Variants in CORIN observed in about 807,000 individuals in gnomAD.
CORIN encodes atrial natriuretic peptide-converting enzyme.
Under a neutral mutation model 125.3 loss-of-function variants are expected in CORIN, and 117 were observed. That is an observed-to-expected ratio of 0.93 (90% CI 0.80 to 1.09). CORIN has a LOEUF of 1.09. CORIN is among the 50% of genes least tolerant of loss of function. The pLI is 0.00. For synonymous variants in CORIN, 450 were observed against 466.4 expected, an observed-to-expected ratio of 0.96 and a Z score of 0.45; for missense variants, 1,253 against 1,306.7, an observed-to-expected ratio of 0.96 and a Z score of 0.63.
chr4:47,680,125 T>C lies in CORIN; in HGVS notation c.1132+16A>G, dbSNP rs1725200991. 2 of 1,552,734 alleles carry C rather than the reference T, an allele frequency of 1.3e-6. No homozygotes were observed. The highest frequency in any genetic ancestry group is 1.4e-5 in the African/African-American group (1 of 74,008). ...AATGGAAAAATAAGCAAAACAAACG[T>C]CCTCAGAGCACTCACAGCAGTTGAC... is the stretch of plus-strand genomic sequence containing the variant. On this transcript the variant is annotated intron_variant, in intron 8 of 21. Transcript: ENST00000273857.
At chr4:47,709,364 G>T (rs1726733514) in intron 5 of CORIN, among the ~76,000 whole-genome samples, 1 of 151,960 alleles carries the variant, frequency 6.6e-6, no homozygotes, top group Non-Finnish European at 1.5e-5. Flanking sequence ...CACAATCTTG[G>T]CTCACTGCAG....
At chr4:47,727,737 GT>G (rs1727665513) in intron 5 of CORIN, among the ~76,000 whole-genome samples, 1 of 152,094 alleles carries the variant, frequency 6.6e-6, no homozygotes, top group Middle Eastern at 3.2e-3. Flanking sequence ...ATTTTTTAAT[GT>G]TTGGTGAATG....
chr4:47,652,128 T>G lies in CORIN; in HGVS notation c.1843+1425A>C, dbSNP rs774132994. Among the ~76,000 whole-genome samples the G allele has an allele frequency of 1.1e-4, 17 of 152,200 alleles. 1 individual carries two copies. Among genetic ancestry groups the G allele is most frequent in the Non-Finnish European group, 2.2e-4 (15 of 68,026 alleles). Reference sequence around the variant, plus strand: ...ACTTATATAAGGTATATTCAATGAATTTTGATTTATTTCTTTACAAAACAA... The same window carrying G: ...ACTTATATAAGGTATATTCAATGAAGTTTGATTTATTTCTTTACAAAACAA... On this transcript the variant is annotated intron_variant, in intron 13 of 21. Transcript: ENST00000273857.
intron 5 of CORIN, among the ~76,000 whole-genome samples, chr4:47,718,105 C>T (rs193077515): frequency 5.3e-4 from 80 of 152,304 alleles, no homozygotes; most frequent in African/African-American, 1.8e-3. Context: ...GTGCCAAGTG[C>T]TGAAATGGAC....
intron 6 of CORIN, among the ~76,000 whole-genome samples, chr4:47,688,518 C>T (rs1213866103): frequency 3.3e-5 from 5 of 152,146 alleles, no homozygotes; most frequent in Non-Finnish European, 5.9e-5. Context: ...TGGAGAATTG[C>T]TTGAGCTCGG....
chr4:47,596,574 C>T (rs1033719296), intron 21 of CORIN, among the ~76,000 whole-genome samples: 2 of 151,892 alleles, frequency 1.3e-5, no homozygotes, highest in African/African-American at 4.8e-5. Flanking sequence ...CAGTTTTTCC[C>T]CCAAATATAG....
intron 5 of CORIN, among the ~76,000 whole-genome samples, chr4:47,703,132 C>A (rs986490450): frequency 1.6e-4 from 24 of 152,112 alleles, no homozygotes; most frequent in Middle Eastern, 3.2e-3. Context: ...GGATAACCAG[C>A]GGTTGGATGC....
intron 12 of CORIN, among the ~76,000 whole-genome samples, chr4:47,656,208 T>G (rs1577790067): frequency 6.8e-6 from 1 of 147,314 alleles, no homozygotes; most frequent in Non-Finnish European, 1.5e-5. Context: ...CAGGCTGGAG[T>G]GCAATGGCAT....
intron 2 of CORIN, among the ~76,000 whole-genome samples, chr4:47,804,125 CAG>C (rs1161294439): frequency 6.6e-6 from 1 of 152,184 alleles, no homozygotes; most frequent in Admixed American, 6.5e-5. Flanking sequence ...CACTGACCAT[CAG>C]AGAAATGCAA....
rs115765267 is a variant in CORIN at position 47,698,596 on chromosome 4, G to C, written c.800-5513C>G. Among the ~76,000 whole-genome samples, 815 of 152,156 alleles carry C rather than the reference G, an allele frequency of 5.4e-3. 5 individuals carry two copies. Among genetic ancestry groups the C allele is most frequent in the African/African-American group, 0.019 (776 of 41,526 alleles). ...CATTACATGGTTTTCGGTAAAGAGT[G>C]GCATGATCTGACTGAAATTCTTAAA... On this transcript the variant is annotated intron_variant, in intron 5 of 21. Transcript: ENST00000273857.
At chr4:47,704,249 TAA>T (rs1275712637) in intron 5 of CORIN, among the ~76,000 whole-genome samples, 1 of 152,108 alleles carries the variant, frequency 6.6e-6, no homozygotes, top group Non-Finnish European at 1.5e-5. Context: ...TGCGTAAAAC[TAA>T]ATACAAGCAC....
intron 11 of CORIN, among the ~76,000 whole-genome samples, chr4:47,663,545 A>G (rs985561450): frequency 6.6e-6 from 1 of 152,134 alleles, no homozygotes; most frequent in Admixed American, 6.5e-5. Context: ...TGATTGAACA[A>G]CACTTCAGGA....
intron 12 of CORIN, among the ~76,000 whole-genome samples, chr4:47,655,714 T>C (rs73238623): frequency 9.9e-5 from 15 of 152,194 alleles, no homozygotes; most frequent in Non-Finnish European, 1.6e-4. Flanking sequence ...TACCAATAAA[T>C]TGGAAAGCCT....
intron 16 of CORIN, among the ~76,000 whole-genome samples, chr4:47,631,017 G>A (rs1560480477): frequency 6.6e-6 from 1 of 152,144 alleles, no homozygotes. Context: ...GTGAGCTAGA[G>A]GAGGAGGGCC....
At chr4:47,666,540 G>T (rs1038707395) in intron 10 of CORIN, among the ~76,000 whole-genome samples, 21 of 152,164 alleles carry the variant, frequency 1.4e-4, no homozygotes, top group African/African-American at 4.8e-4. Flanking sequence ...CTGAACATTT[G>T]TGTATCTCCA....
At position 47,838,046 on chromosome 4, in the gene CORIN, C is replaced by A. The variant is rs1465225588; in HGVS notation, c.-97G>T. 2 of 1,575,670 alleles carry A rather than the reference C, an allele frequency of 1.3e-6. No individual in the cohort carries two copies. Among genetic ancestry groups the A allele is most frequent in the African/African-American group, 2.7e-5 (2 of 73,602 alleles). ...GGGGAGGCACTACGGATGATTTTCT[C>A]CAAGCTCAAGAGAGACAAACTGAAC... On this transcript the variant is annotated 5_prime_UTR_variant, in exon 1 of 22. Coordinates refer to ENST00000273857, the MANE Select transcript of CORIN (RefSeq NM_006587.4).
rs145213134 is a variant in CORIN, at chr4:47,610,374, C to T, written c.2541-6706G>A. On this transcript the variant is annotated intron_variant, in intron 19 of 21. Coordinates refer to ENST00000273857, the MANE Select transcript of CORIN (RefSeq NM_006587.4). ...TGATCAGTGATGTTGAGCTTTTTCT[C>T]GTATGTTTATTGGCCACATGAATGT... 2.1e-3 allele frequency among the ~76,000 whole-genome samples: 324 copies of T among 152,004 alleles called. 3 individuals carry two copies. Among genetic ancestry groups the T allele is most frequent in the African/African-American group, 6.4e-3 (265 of 41,506 alleles).
chr4:47,645,901 T>A (rs1329083825), intron 13 of CORIN, among the ~76,000 whole-genome samples: 1 of 151,946 alleles, frequency 6.6e-6, no homozygotes, highest in African/African-American at 2.4e-5. Context: ...ACCATATAAT[T>A]AATAACTGAA....
chr4:47,679,276 G>A lies in CORIN; in HGVS notation c.1132+865C>T, dbSNP rs574240055. 2.0e-4 allele frequency among the ~76,000 whole-genome samples: 30 copies of A among 152,046 alleles called. No individual in the cohort carries two copies. The East Asian group carries it at 5.6e-3, about 28-fold the overall frequency. On this transcript the variant is annotated intron_variant, in intron 8 of 21. Transcript: ENST00000273857. ...GGAAAAAGTGTTAATAGCCATACTTGTTATTAGTTTGAAGTATAACAACTG... is the reference window on the plus strand; with the variant it reads ...GGAAAAAGTGTTAATAGCCATACTTATTATTAGTTTGAAGTATAACAACTG...
Sources: gnomAD v4.1 joint callset for allele counts (sites outside exome capture counted in the v4.1 genomes callset) on GRCh38, gnomAD v4.1.1 for gene constraint, MANE v1.5 for transcripts, NCBI Gene and HGNC (gene_info 2026-07-23, HGNC 2026-07-21) for gene names.